Variants in MANBAL observed in about 807,000 individuals in gnomAD.
MANBAL encodes the protein mannosidase beta like, also known as protein MANBAL.
MANBAL carries 1 observed loss-of-function variant against 6.4 expected under a neutral mutation model. The ratio of observed to expected loss-of-function variants is 0.16; its 90% confidence interval spans 0.06 to 0.74. The LOEUF (loss-of-function observed/expected upper bound fraction) is 0.74. Ranked by LOEUF, MANBAL falls within the 30% of genes least tolerant of loss-of-function variation. The pLI is 0.78. For missense variants in MANBAL, 100 were observed against 107.8 expected, an observed-to-expected ratio of 0.93 and a Z score of 0.32; for synonymous variants, 47 against 45.8, an observed-to-expected ratio of 1.03 and a Z score of -0.10.
chr20:37,311,812 ACT>A (rs2069394184), intron 2 of MANBAL, among the ~76,000 whole-genome samples: 1 of 152,120 alleles, frequency 6.6e-6, no homozygotes, highest in African/African-American at 2.4e-5. Flanking sequence ...AGGAAAATCG[ACT>A]CTGAAAGGAA....
At chr20:37,302,384 G>A in intron 2 of MANBAL, 1 of 1,539,020 alleles carries the variant, frequency 6.5e-7, no homozygotes, top group Non-Finnish European at 8.8e-7. Context: ...ACAAGCAGGT[G>A]GTGTCTGGCT....
At chr20:37,314,712 C>G (rs889984958) in intron 2 of MANBAL, among the ~76,000 whole-genome samples, 3 of 152,188 alleles carry the variant, frequency 2.0e-5, no homozygotes, top group African/African-American at 7.2e-5. Context: ...GACAATCACT[C>G]CTTGGGGGCC....
At chr20:37,301,607 AT>A (rs1250210308) in intron 2 of MANBAL, among the ~76,000 whole-genome samples, 194 bp downstream of exon 2, 7 of 152,146 alleles carry the variant, frequency 4.6e-5, no homozygotes, top group African/African-American at 1.7e-4. Flanking sequence ...CATTAAGGAG[AT>A]TTTTATTTAG....
chr20:37,298,469 T>C (rs926454605), intron 1 of MANBAL, among the ~76,000 whole-genome samples: 3 of 152,210 alleles, frequency 2.0e-5, no homozygotes, highest in Admixed American at 2.0e-4. Flanking sequence ...AGGTACCTCA[T>C]ATAAGGGGAC....
intron 1 of MANBAL, among the ~76,000 whole-genome samples, chr20:37,293,700 C>T (rs1208551783): frequency 2.0e-5 from 3 of 152,122 alleles, no homozygotes; most frequent in Admixed American, 1.3e-4. Flanking sequence ...CTTAATTGTT[C>T]CATTTAGCAT....
chr20:37,298,159 C>G (rs905117218), intron 1 of MANBAL, among the ~76,000 whole-genome samples: 1 of 152,034 alleles, frequency 6.6e-6, no homozygotes, highest in Non-Finnish European at 1.5e-5. Context: ...GTACTCCAGC[C>G]TGGGTGACAG....
chr20:37,301,125 G>C (rs1169475079), intron 1 of MANBAL, 83 bp from the exon 2 acceptor site: 31 of 856,646 alleles, frequency 3.6e-5, no homozygotes, highest in Non-Finnish European at 4.8e-5. Flanking sequence ...GACAGAGTGA[G>C]ACTCCATCTC....
intron 2 of MANBAL, chr20:37,302,143 C>A (rs2069152500): frequency 1.6e-6 from 2 of 1,261,224 alleles, no homozygotes; most frequent in Non-Finnish European, 2.2e-6. Flanking sequence ...TGCCCACTCC[C>A]ATTTGCTCGT....
At chr20:37,312,227 C>A (rs149918555) in intron 2 of MANBAL, among the ~76,000 whole-genome samples, 41 of 152,238 alleles carry the variant, frequency 2.7e-4, no homozygotes, top group African/African-American at 9.6e-4. Context: ...GAGCACAAAC[C>A]CACTTTTCTG....
chr20:37,293,675 T>G lies in MANBAL; in HGVS notation c.-57+3989T>G, dbSNP rs2068924780. 2.6e-5 allele frequency among the ~76,000 whole-genome samples: 4 copies of G among 152,152 alleles called. No homozygotes were observed. In the South Asian group the frequency reaches 8.3e-4, roughly 31 times the overall value. On this transcript the variant is annotated intron_variant, in intron 1 of 2. Coordinates refer to ENST00000373606, the MANE Select transcript of MANBAL (RefSeq NM_001003897.2). ...CCTGTGACAAACCCGACTCCCACCATTCACCATACATTTACTTAATTGTTC... is the reference window on the plus strand; with the variant it reads ...CCTGTGACAAACCCGACTCCCACCAGTCACCATACATTTACTTAATTGTTC...
intron 1 of MANBAL, 106 bp from the exon 2 acceptor site, chr20:37,301,092 TGCCATTGCAC>T (rs1434281674): frequency 1.3e-5 from 7 of 546,766 alleles, no homozygotes; most frequent in African/African-American, 1.2e-4. Flanking sequence ...GCAGTGATCA[TGCCATTGCAC>T]TCCAGCCTGG....
chr20:37,290,643 A>G (rs995199948), intron 1 of MANBAL, among the ~76,000 whole-genome samples: 16 of 152,020 alleles, frequency 1.1e-4, no homozygotes, highest in African/African-American at 3.9e-4. Context: ...ATCTTTAGTA[A>G]AGACAGGGTT....
At chr20:37,296,045 C>A (rs1388773913) in intron 1 of MANBAL, among the ~76,000 whole-genome samples, 2 of 152,230 alleles carry the variant, frequency 1.3e-5, no homozygotes, top group African/African-American at 4.8e-5. Flanking sequence ...TTCACAACCA[C>A]CCTCCTGTTA....
intron 2 of MANBAL, among the ~76,000 whole-genome samples, chr20:37,313,046 C>T (rs2069422899): frequency 6.6e-6 from 1 of 152,214 alleles, no homozygotes; most frequent in African/African-American, 2.4e-5. Context: ...TTGAAGCTAT[C>T]CCAAAGTGCT....
At chr20:37,301,177 A>G in intron 1 of MANBAL, 31 bp from the exon 2 acceptor site, 3 of 1,181,082 alleles carry the variant, frequency 2.5e-6, no homozygotes, top group Non-Finnish European at 3.3e-6. Flanking sequence ...TCAGTTACAG[A>G]AATATGACAC....
At chr20:37,313,370 CA>C (rs5841259) in intron 2 of MANBAL, among the ~76,000 whole-genome samples, 1,471 of 129,552 alleles carry the variant, frequency 0.011, 33 homozygotes, top group African/African-American at 0.039. Flanking sequence ...GACTCCGTCT[CA>C]AAAAAAAACA....
chr20:37,291,895 G>A (rs1040770205), intron 1 of MANBAL, among the ~76,000 whole-genome samples: 20 of 152,174 alleles, frequency 1.3e-4, no homozygotes, highest in African/African-American at 3.9e-4. Context: ...CCGTGAGTCC[G>A]TTAAACCTCT....
chr20:37,302,489 C>T (rs1021536113), intron 2 of MANBAL, among the ~76,000 whole-genome samples: 3 of 152,174 alleles, frequency 2.0e-5, no homozygotes, highest in African/African-American at 4.8e-5. Context: ...TTCACCTAAG[C>T]GGTTTTAGCA....
intron 1 of MANBAL, among the ~76,000 whole-genome samples, chr20:37,297,925 G>A (rs2069036202): frequency 6.6e-6 from 1 of 152,146 alleles, no homozygotes; most frequent in Non-Finnish European, 1.5e-5. Flanking sequence ...GATTACAGGC[G>A]TGAGCCACTG....
Sources: allele counts gnomAD v4.1 joint callset (sites outside exome capture counted in the v4.1 genomes callset), GRCh38; gene constraint gnomAD v4.1.1; transcripts MANE v1.5; gene names NCBI Gene and HGNC (gene_info 2026-07-23, HGNC 2026-07-21).